The following CDH13 variants were observed in gnomAD, a reference collection of about 807,000 sequenced individuals.
CDH13 encodes cadherin 13.
Under a neutral mutation model 63.8 loss-of-function variants are expected in CDH13, and 24 were observed. That is an observed-to-expected ratio of 0.38 (90% CI 0.27 to 0.53). The LOEUF is 0.53. Among genes scored for constraint, CDH13 ranks in the 20% least tolerant of loss-of-function variants. The pLI, the probability that CDH13 is intolerant of heterozygous loss-of-function variation, is 0.85. For synonymous variants in CDH13, 503 were observed against 355.3 expected (o/e 1.42, Z -4.67); for missense variants, 1,049 against 903.1 (o/e 1.16, Z -2.07).
At chr16:83,779,850 CCT>C (rs1164763022) in intron 11 of CDH13, 116 bp from the exon 12 acceptor site, 1 of 680,586 alleles carries the variant, frequency 1.5e-6, no homozygotes, top group Non-Finnish European at 2.5e-6. Flanking sequence ...AGAGTGAGAC[CCT>C]GTCTCAAAAA....
chr16:82,780,795 CTTGGAGGAAG>C (rs767502623), intron 1 of CDH13, among the ~76,000 whole-genome samples: 1 of 152,120 alleles, frequency 6.6e-6, no homozygotes, highest in Non-Finnish European at 1.5e-5. Context: ...CTATTGTTGT[CTTGGAGGAAG>C]AAAAGACATG....
In CDH13 at chr16:82,768,468, AATGTGTTCATTTTATTGCC is replaced by A. The variant is rs988658059; in HGVS notation, c.46-89891_46-89873del. Among the ~76,000 whole-genome samples the A allele has an allele frequency of 3.9e-5, 6 of 152,268 alleles. No individual in the cohort carries two copies. In the South Asian group the frequency reaches 8.3e-4, roughly 21 times the overall value. On this transcript the variant is annotated intron_variant, in intron 1 of 13. Transcript: ENST00000567109. Reference sequence around the variant, plus strand: ...AGGAAATGGAGGTTAGGCAATAAGGAATGTGTTCATTTTATTGCCATTTTACTACCACAGCATGGTAGAT... The same window carrying A: ...AGGAAATGGAGGTTAGGCAATAAGGAATTTTACTACCACAGCATGGTAGAT...
intron 7 of CDH13, among the ~76,000 whole-genome samples, chr16:83,563,368 C>A (rs1232806820): frequency 1.3e-5 from 2 of 152,176 alleles, no homozygotes; most frequent in African/African-American, 4.8e-5. Flanking sequence ...TCACTTCAAA[C>A]ACAACATGAT....
intron 1 of CDH13, among the ~76,000 whole-genome samples, chr16:82,808,478 T>A (rs2037270564): frequency 6.6e-6 from 1 of 152,082 alleles, no homozygotes; most frequent in African/African-American, 2.4e-5. Context: ...AGAGATGAAA[T>A]AAGAAGGACT....
chr16:83,070,811 G>C (rs1044759192), intron 3 of CDH13, among the ~76,000 whole-genome samples: 1 of 148,328 alleles, frequency 6.7e-6, no homozygotes, highest in African/African-American at 2.5e-5. Context: ...TTAAGCAATA[G>C]TATATAAATC....
At chr16:83,621,145 C>G (rs554289568) in intron 8 of CDH13, among the ~76,000 whole-genome samples, 1 of 152,306 alleles carries the variant, frequency 6.6e-6, no homozygotes, top group African/African-American at 2.4e-5. Context: ...GCTCCAGACC[C>G]CAACTCTCAA....
chr16:82,634,822 A>T (rs1007873172), intron 1 of CDH13, among the ~76,000 whole-genome samples: 4 of 152,230 alleles, frequency 2.6e-5, no homozygotes, highest in Admixed American at 2.6e-4. Flanking sequence ...GGCCCCAAGC[A>T]CTTGAGCAAC....
At chr16:83,751,486 C>CA (rs1913081841) in intron 11 of CDH13, among the ~76,000 whole-genome samples, 1 of 152,006 alleles carries the variant, frequency 6.6e-6, no homozygotes. Context: ...CCTATAGCAG[C>CA]ATAGAAAATG....
intron 1 of CDH13, among the ~76,000 whole-genome samples, chr16:82,834,951 G>C (rs1330795901): frequency 1.3e-5 from 2 of 152,050 alleles, no homozygotes; most frequent in Non-Finnish European, 2.9e-5. Flanking sequence ...TTTACTACTG[G>C]CTCTTTAAGA....
intron 6 of CDH13, among the ~76,000 whole-genome samples, chr16:83,440,478 CA>C (rs1234482683): frequency 1.3e-5 from 2 of 152,108 alleles, no homozygotes; most frequent in Admixed American, 1.3e-4. Flanking sequence ...CGTGGCAGGT[CA>C]CAGAAGATGG....
intron 7 of CDH13, among the ~76,000 whole-genome samples, chr16:83,501,252 A>G (rs1000102719): frequency 3.3e-5 from 5 of 152,240 alleles, no homozygotes; most frequent in Admixed American, 6.5e-5. Context: ...AGCTATAGAA[A>G]TGACCATTGA....
At chr16:83,741,064 G>C (rs1279925157) in intron 10 of CDH13, among the ~76,000 whole-genome samples, 2 of 152,160 alleles carry the variant, frequency 1.3e-5, no homozygotes, top group South Asian at 2.1e-4. Flanking sequence ...TGGTTTCCTG[G>C]GACAGGAAGA....
At chr16:82,816,862 C>A (rs4783285) in intron 1 of CDH13, among the ~76,000 whole-genome samples, 63,531 of 151,052 alleles carry the variant, frequency 0.42, 14,685 homozygotes, top group East Asian at 0.92. Flanking sequence ...CCTGAAGCTC[C>A]AACTCAGCAC....
chr16:83,304,886 T>G (rs1459698092), intron 5 of CDH13, among the ~76,000 whole-genome samples: 1 of 152,206 alleles, frequency 6.6e-6, no homozygotes, highest in African/African-American at 2.4e-5. Flanking sequence ...CGTATGTGTG[T>G]GTGTAGTGTG....
chr16:83,737,384 G>A (rs555663544), intron 10 of CDH13, among the ~76,000 whole-genome samples: 2 of 152,288 alleles, frequency 1.3e-5, no homozygotes, highest in South Asian at 4.2e-4. Context: ...TTTCACCATT[G>A]ATAGTGATGA....
intron 7 of CDH13, among the ~76,000 whole-genome samples, chr16:83,575,033 C>T (rs13336389): frequency 0.014 from 2,098 of 152,258 alleles, 35 homozygotes; most frequent in African/African-American, 0.048. Context: ...CAAAATGGGC[C>T]TGTCCATACA....
intron 2 of CDH13, among the ~76,000 whole-genome samples, chr16:82,963,530 C>G (rs1031787226): frequency 2.6e-5 from 4 of 152,190 alleles, no homozygotes; most frequent in African/African-American, 9.7e-5. Context: ...TTAAGTGACT[C>G]TGTTTCCTCT....
chr16:83,191,798 A>G (rs976338313), intron 4 of CDH13, among the ~76,000 whole-genome samples: 1 of 151,888 alleles, frequency 6.6e-6, no homozygotes, highest in African/African-American at 2.4e-5. Context: ...TATTCTAGCC[A>G]TGCTGGCAAC....
intron 4 of CDH13, among the ~76,000 whole-genome samples, chr16:83,197,789 C>T (rs1291629163): frequency 6.9e-6 from 1 of 145,540 alleles, no homozygotes; most frequent in Admixed American, 7.2e-5. Context: ...CACACTCACA[C>T]ACTCATATGC....
Sources: allele counts gnomAD v4.1 joint callset (sites outside exome capture counted in the v4.1 genomes callset), GRCh38; gene constraint gnomAD v4.1.1; transcripts MANE v1.5; gene names NCBI Gene and HGNC (gene_info 2026-07-23, HGNC 2026-07-21).